The following MNS1 variants were observed in gnomAD, a reference collection of about 807,000 sequenced individuals.
MNS1 encodes the protein meiosis specific nuclear structural 1, also known as meiosis-specific nuclear structural protein 1.
Under a neutral mutation model 72.0 loss-of-function variants are expected in MNS1, and 63 were observed. The observed-to-expected ratio is 0.87, with a 90% CI of 0.71 to 1.08. MNS1 has a LOEUF of 1.08. Ranked by LOEUF, MNS1 falls within the 50% of genes least tolerant of loss-of-function variation. The pLI is 0.00. For synonymous variants in MNS1, 188 were observed against 172.1 expected (o/e 1.09, Z -0.72); for missense variants, 604 against 562.4 (o/e 1.07, Z -0.75).
At chr15:56,431,759 G>A (rs2050603550) in intron 8 of MNS1, among the ~76,000 whole-genome samples, 1 of 151,802 alleles carries the variant, frequency 6.6e-6, no homozygotes, top group African/African-American at 2.4e-5. Flanking sequence ...TCATTACCAA[G>A]GGAAAAAATA....
intron 7 of MNS1, 112 bp downstream of exon 7, chr15:56,443,318 A>C: frequency 1.3e-6 from 1 of 747,686 alleles, no homozygotes; most frequent in Non-Finnish European, 2.0e-6. Context: ...TACCATTTAC[A>C]TATAATGTAA....
intron 2 of MNS1, among the ~76,000 whole-genome samples, chr15:56,460,746 T>C (rs1388470003): frequency 3.3e-5 from 5 of 152,186 alleles, no homozygotes; most frequent in African/African-American, 4.8e-5. Flanking sequence ...TGAGTAAACC[T>C]AGCACCCAAG....
At position 56,461,609 on chromosome 15, in the gene MNS1, C is replaced by T. The variant is rs576930227; in HGVS notation, c.225+2417G>A. On this transcript the variant is annotated intron_variant, in intron 2 of 9. Transcript: ENST00000260453. ...CCAGAAGGCGGAGGTTGCAGTGAGC[C>T]GAGATGGTGCGGCTGCACTCCAGCC... Among the ~76,000 whole-genome samples the T allele has an allele frequency of 1.2e-4, 16 of 130,938 alleles. No homozygotes were observed. The East Asian group carries it at 2.5e-3, about 21-fold the overall frequency. 85.9% of individuals were successfully genotyped at this position (130,938 alleles called of 152,430 possible). A position where few individuals can be genotyped will look rare whatever the true frequency, so the allele number is the denominator to read the frequency against.
chr15:56,438,547 G>T (rs2050767020), intron 7 of MNS1, among the ~76,000 whole-genome samples: 1 of 152,064 alleles, frequency 6.6e-6, no homozygotes, highest in Non-Finnish European at 1.5e-5. Flanking sequence ...AACCCTAGAA[G>T]AAAACCTAGG....
chr15:56,430,506 A>G (rs1462868911), intron 9 of MNS1, among the ~76,000 whole-genome samples: 2 of 152,112 alleles, frequency 1.3e-5, no homozygotes, highest in African/African-American at 2.4e-5. Flanking sequence ...ATGCCCAGCC[A>G]GTTACTATTT....
At position 56,462,930 on chromosome 15, in the gene MNS1, A is replaced by G. The variant is rs2051032496; in HGVS notation, c.225+1096T>C. On this transcript the variant is annotated intron_variant, in intron 2 of 9. Coordinates refer to ENST00000260453, the MANE Select transcript of MNS1 (RefSeq NM_018365.4). Reference sequence around the variant, plus strand: ...AATAATAAGAATAGGAAAAATATCCAACCCCTAAGATGTGCTTTCTCAGAG... The same window carrying G: ...AATAATAAGAATAGGAAAAATATCCGACCCCTAAGATGTGCTTTCTCAGAG... Among the ~76,000 whole-genome samples, 3 of 152,196 alleles carry G rather than the reference A, an allele frequency of 2.0e-5. No individual in the cohort carries two copies. The South Asian group carries it at 6.2e-4, about 31-fold the overall frequency.
intron 2 of MNS1, among the ~76,000 whole-genome samples, chr15:56,458,432 G>C (rs1349589129): frequency 1.3e-5 from 2 of 152,020 alleles, no homozygotes; most frequent in African/African-American, 4.8e-5. Flanking sequence ...GTTACACTCA[G>C]TAAACCTGTA....
chr15:56,439,061 A>T (rs1431806407), intron 7 of MNS1, among the ~76,000 whole-genome samples: 3 of 152,150 alleles, frequency 2.0e-5, no homozygotes, highest in African/African-American at 7.2e-5. Context: ...AGGGAAAAAA[A>T]ATCCTACAGC....
rs146071737 is a variant in MNS1, at chr15:56,432,099, T to C, written c.1270-601A>G. Reference sequence around the variant, plus strand: ...CATTCAAACCTAATTCTATCTTAATTCATCCATTCCTTATAAAGAGGAGAT... The same window carrying C: ...CATTCAAACCTAATTCTATCTTAATCCATCCATTCCTTATAAAGAGGAGAT... On this transcript the variant is annotated intron_variant, in intron 8 of 9. Transcript: ENST00000260453. Among the ~76,000 whole-genome samples the C allele has an allele frequency of 7.2e-5, 11 of 152,284 alleles. No individual in the cohort carries two copies. In the East Asian group the frequency reaches 1.2e-3, roughly 16 times the overall value.
chr15:56,448,652 T>G (rs1259728680), intron 3 of MNS1, among the ~76,000 whole-genome samples: 3 of 152,182 alleles, frequency 2.0e-5, no homozygotes, highest in Non-Finnish European at 4.4e-5. Context: ...GCACCTGGAT[T>G]AATTCCATGT....
intron 3 of MNS1, among the ~76,000 whole-genome samples, chr15:56,451,508 T>C (rs1567153096): frequency 1.3e-5 from 2 of 152,212 alleles, no homozygotes; most frequent in African/African-American, 2.4e-5. Context: ...AGTCGGGGGA[T>C]GGGCTGGGAG....
chr15:56,432,511 G>C (rs1470224208), intron 8 of MNS1, among the ~76,000 whole-genome samples: 4 of 152,118 alleles, frequency 2.6e-5, no homozygotes, highest in Non-Finnish European at 5.9e-5. Flanking sequence ...TCCTTGACTT[G>C]GGGCCAGAAC....
At position 56,443,848 on chromosome 15, in the gene MNS1, T is replaced by G; in HGVS notation, c.693A>C (p.Lys231Asn). ...CATTCATTTTTTCTAACTTTTGTTG[T>G]TTTTCCCTGAAAAGCAATAACAAGT... is the stretch of plus-strand genomic sequence containing the variant. The part of the protein sequence containing the change: ...RKIYEEDQLE[K>N]QQKLEKMNAM... Residue 231 changes from lysine to asparagine, a missense_variant, in exon 6 of 10, where the codon AAA becomes AAC. Transcript: ENST00000260453. 6.3e-7 allele frequency: 1 copy of G among 1,595,280 alleles called. No individual in the cohort carries two copies.
intron 3 of MNS1, 28 bp downstream of exon 3, chr15:56,456,366 T>C: frequency 6.3e-7 from 1 of 1,585,334 alleles, no homozygotes. Context: ...AAAGACTAAA[T>C]AAATGAAATT....
chr15:56,443,783 G>A lies in MNS1; in HGVS notation c.758C>T (p.Ala253Val). The A allele has an allele frequency of 6.2e-7, 1 of 1,612,666 alleles. No individual in the cohort carries two copies. Among genetic ancestry groups the A allele is most frequent in the Non-Finnish European group, 8.5e-7 (1 of 1,179,518 alleles). ...CTCACGTTTCTTTTTTCTCCAGAGA[G>A]CCTGCTCTTTCTGAAACTCTTCTAT... The part of the protein sequence containing the change: ...RYIEEFQKEQ[A>V]LWRKKKREEM... Residue 253 changes from alanine to valine, a missense_variant, in exon 6 of 10, where the codon GCT (alanine) becomes GTT (valine). Transcript: ENST00000260453.
intron 7 of MNS1, among the ~76,000 whole-genome samples, chr15:56,435,126 G>T (rs1182227783): frequency 6.6e-6 from 1 of 152,034 alleles, no homozygotes; most frequent in Non-Finnish European, 1.5e-5. Flanking sequence ...AGCAAAATTT[G>T]TGAGATGCTG....
chr15:56,464,842 A>G, intron 1 of MNS1, 128 bp downstream of exon 1: 1 of 1,367,554 alleles, frequency 7.3e-7, no homozygotes, highest in Non-Finnish European at 1.0e-6. Context: ...AGCCTCCGAA[A>G]GCAAATACAA....
chr15:56,442,186 C>T (rs2050827395), intron 7 of MNS1, among the ~76,000 whole-genome samples: 1 of 152,030 alleles, frequency 6.6e-6, no homozygotes, highest in African/African-American at 2.4e-5. Context: ...CAATGAGATA[C>T]TATCTCACAT....
At chr15:56,433,325 C>A (rs1433472439) in intron 8 of MNS1, among the ~76,000 whole-genome samples, 1 of 151,920 alleles carries the variant, frequency 6.6e-6, no homozygotes, top group Non-Finnish European at 1.5e-5. Context: ...GGCTTAAAAC[C>A]TAGATGACGG....
Sources: allele counts gnomAD v4.1 joint callset (sites outside exome capture counted in the v4.1 genomes callset), GRCh38; gene constraint gnomAD v4.1.1; transcripts MANE v1.5; gene names NCBI Gene and HGNC (gene_info 2026-07-23, HGNC 2026-07-21).